RBFOX2: variants seen among roughly 807,000 people sequenced by gnomAD.
RBFOX2 encodes RNA binding protein fox-1 homolog 2.
A neutral mutation model predicts 49.1 loss-of-function variants in RBFOX2; 10 were observed. The ratio of observed to expected loss-of-function variants is 0.20; its 90% CI spans 0.13 to 0.35. The LOEUF is 0.35. Among genes scored for constraint, RBFOX2 ranks in the 10% least tolerant of loss-of-function variants. The pLI, the probability that RBFOX2 is intolerant of heterozygous loss-of-function variation, is 1.00. For missense variants in RBFOX2, 323 were observed against 486.9 expected (o/e 0.66, Z 3.17); for synonymous variants, 183 against 187.4 (o/e 0.98, Z 0.19).
intron 1 of RBFOX2, among the ~76,000 whole-genome samples, chr22:35,921,095 T>C (rs2050972446): frequency 1.3e-5 from 2 of 152,252 alleles, no homozygotes; most frequent in South Asian, 2.1e-4. Context: ...CCAGCCACTA[T>C]AGTATGGCTC....
intron 1 of RBFOX2, among the ~76,000 whole-genome samples, chr22:36,001,186 C>T (rs1359554043): frequency 7.0e-4 from 1 of 1,432 alleles, no homozygotes; most frequent in Non-Finnish European, 1.6e-3. Flanking sequence ...CCAAAACATA[C>T]ACACACACAC....
intron 1 of RBFOX2, among the ~76,000 whole-genome samples, chr22:35,825,503 A>G (rs1482272936): frequency 1.3e-5 from 2 of 152,148 alleles, no homozygotes. Context: ...ACCTGTCATC[A>G]AAATGGGGGC....
chr22:35,963,609 GCAAAA>G, upstream of RBFOX2, among the ~76,000 whole-genome samples: 1 of 152,234 alleles, frequency 6.6e-6, no homozygotes, highest in Non-Finnish European at 1.5e-5. Flanking sequence ...GTGGAAAGTT[GCAAAA>G]CAAAGCTCCA....
chr22:35,820,282 T>A (rs1292259736), intron 1 of RBFOX2, among the ~76,000 whole-genome samples: 1 of 152,210 alleles, frequency 6.6e-6, no homozygotes, highest in Non-Finnish European at 1.5e-5. Context: ...GCGACCCTGA[T>A]AATTCAGCTG....
At chr22:35,856,148 G>A (rs1187149610) in intron 1 of RBFOX2, among the ~76,000 whole-genome samples, 3 of 152,208 alleles carry the variant, frequency 2.0e-5, no homozygotes, top group African/African-American at 2.4e-5. Flanking sequence ...AATAGACCTC[G>A]TATTTAAGAG....
chr22:35,748,011 T>C (rs1285781589), intron 9 of RBFOX2: 1 of 152,242 alleles, frequency 6.6e-6, no homozygotes, highest in Non-Finnish European at 1.5e-5. Flanking sequence ...CTTTTATTTG[T>C]TACCCCTTAT....
At chr22:36,025,405 G>A (rs571908019) in intron 1 of RBFOX2, among the ~76,000 whole-genome samples, 142 of 151,918 alleles carry the variant, frequency 9.3e-4, no homozygotes, top group Non-Finnish European at 1.8e-3. Flanking sequence ...CCCTTTCCCT[G>A]CTTTTTCTTT....
intron 1 of RBFOX2, among the ~76,000 whole-genome samples, chr22:35,924,209 T>C (rs970360148): frequency 2.0e-5 from 3 of 152,182 alleles, no homozygotes; most frequent in Non-Finnish European, 4.4e-5. Context: ...TGCCGAGACG[T>C]GTGTTACTCT....
At chr22:35,944,207 C>T (rs2054014512) in intron 1 of RBFOX2, among the ~76,000 whole-genome samples, 1 of 152,150 alleles carries the variant, frequency 6.6e-6, no homozygotes, top group South Asian at 2.1e-4. Context: ...AAAATAACTA[C>T]AGGACTTCAG....
chr22:35,849,835 G>C (rs2041701902), intron 1 of RBFOX2, among the ~76,000 whole-genome samples: 3 of 152,130 alleles, frequency 2.0e-5, no homozygotes, highest in Non-Finnish European at 4.4e-5. Context: ...ATACACAGAA[G>C]AGATGTTCAG....
intron 1 of RBFOX2, among the ~76,000 whole-genome samples, chr22:35,905,534 C>T (rs1449012787): frequency 6.6e-6 from 1 of 152,112 alleles, no homozygotes; most frequent in Non-Finnish European, 1.5e-5. Flanking sequence ...ATACCTTGGT[C>T]TTTAAAGAAG....
intron 3 of RBFOX2, among the ~76,000 whole-genome samples, chr22:35,781,130 C>A (rs999036427): frequency 7.9e-5 from 12 of 152,164 alleles, no homozygotes; most frequent in African/African-American, 2.9e-4. Context: ...ACACTCCAGG[C>A]CAATTAAATC....
At chr22:35,990,338 C>T (rs2057921479) in intron 1 of RBFOX2, among the ~76,000 whole-genome samples, 1 of 151,852 alleles carries the variant, frequency 6.6e-6, no homozygotes, top group Non-Finnish European at 1.5e-5. Flanking sequence ...AGGATATTGG[C>T]CAAAGAGCTG....
In RBFOX2 at chr22:35,897,223, G is replaced by A; in HGVS notation, c.-34+41624C>T. On this transcript the variant is annotated intron_variant, in intron 1 of 13. Coordinates refer to the RBFOX2 transcript ENST00000359369. ...GCTGGGTGCTCAAACCACACGGGCT[G>A]ACCCAAAAGACACCAAAACCAAGAG... The A allele has an allele frequency of 2.5e-6, 3 of 1,177,260 alleles. No individual in the cohort carries two copies. In the South Asian group the frequency reaches 4.0e-5, roughly 16 times the overall value. The allele number at this position is 1,177,260 out of a possible 1,614,324, so 72.9% of individuals were successfully genotyped here. A position where few individuals can be genotyped will look rare whatever the true frequency, so the allele number is the denominator to read the frequency against.
In RBFOX2 at chr22:35,857,725, T is replaced by C. The variant is rs538252251; in HGVS notation, c.-33-47721A>G. Among the ~76,000 whole-genome samples, 18 of 151,816 alleles carry C rather than the reference T, an allele frequency of 1.2e-4. No individual in the cohort carries two copies. The South Asian group carries it at 1.3e-3, about 11-fold the overall frequency. On this transcript the variant is annotated intron_variant, in intron 1 of 13. Coordinates refer to the RBFOX2 transcript ENST00000359369. ...ACCATGTACTCCAAAAAAAGAAAAG[T>C]AGAGACAAAAGAAAAATGGGAGGTG...
intron 1 of RBFOX2, among the ~76,000 whole-genome samples, chr22:35,909,651 C>A (rs1160286287): frequency 6.6e-6 from 1 of 152,162 alleles, no homozygotes; most frequent in Non-Finnish European, 1.5e-5. Context: ...ACATGTGAGT[C>A]CCCCTGTTGG....
In RBFOX2 at chr22:35,917,242, C is replaced by T. The variant is rs545061701; in HGVS notation, c.-34+21605G>A. Among the ~76,000 whole-genome samples the T allele has an allele frequency of 9.2e-5, 14 of 152,256 alleles. No homozygotes were observed. In the South Asian group the frequency reaches 2.7e-3, roughly 29 times the overall value. On this transcript the variant is annotated intron_variant, in intron 1 of 13. Transcript: ENST00000359369. Reference sequence around the variant, plus strand: ...AAAAGAAGGGGAGGAAGAGAAAGTACTGAAAGGGGTCTCAGTATGGAACTA... The same window carrying T: ...AAAAGAAGGGGAGGAAGAGAAAGTATTGAAAGGGGTCTCAGTATGGAACTA...
At chr22:35,981,901 C>A (rs1264943935) in intron 1 of RBFOX2, among the ~76,000 whole-genome samples, 1 of 152,132 alleles carries the variant, frequency 6.6e-6, no homozygotes, top group Non-Finnish European at 1.5e-5. Context: ...CACAACACAT[C>A]AGCATCTATT....
At chr22:35,812,047 G>C (rs534608289) in intron 1 of RBFOX2, among the ~76,000 whole-genome samples, 1 of 151,628 alleles carries the variant, frequency 6.6e-6, no homozygotes, top group Non-Finnish European at 1.5e-5. Context: ...GATCACTTGA[G>C]GTCAGGAGTT....
Sources: gnomAD v4.1 joint callset for allele counts (sites outside exome capture counted in the v4.1 genomes callset) on GRCh38, gnomAD v4.1.1 for gene constraint, MANE v1.5 for transcripts, NCBI Gene and HGNC (gene_info 2026-07-23, HGNC 2026-07-21) for gene names.